Variants in RGL1 observed in about 807,000 individuals in gnomAD.
RGL1 encodes ral guanine nucleotide dissociation stimulator-like 1.
A neutral mutation model predicts 95.2 loss-of-function variants in RGL1; 24 were observed. That is an observed-to-expected ratio of 0.25 (90% CI 0.18 to 0.35). The LOEUF is 0.35. Ranked by LOEUF, RGL1 falls within the 10% of genes least tolerant of loss-of-function variation. The pLI is 1.00. For synonymous variants in RGL1, 329 were observed against 344.9 expected (o/e 0.95, Z 0.51); for missense variants, 715 against 936.3 (o/e 0.76, Z 3.08).
intron 4 of RGL1, among the ~76,000 whole-genome samples, chr1:183,877,285 A>G (rs952293923): frequency 6.6e-6 from 1 of 151,716 alleles, no homozygotes; most frequent in Non-Finnish European, 1.5e-5. Context: ...ACATCCCCCC[A>G]CTCTGTTCTG....
chr1:183,763,924 GC>G (rs2102312890), intron 2 of RGL1, among the ~76,000 whole-genome samples: 1 of 152,290 alleles, frequency 6.6e-6, no homozygotes, highest in African/African-American at 2.4e-5. Flanking sequence ...ATTCTGGAAA[GC>G]CCCACACTCC....
At chr1:183,645,755 A>G (rs1650247870) in intron 1 of RGL1, among the ~76,000 whole-genome samples, 1 of 152,250 alleles carries the variant, frequency 6.6e-6, no homozygotes, top group South Asian at 2.1e-4. Flanking sequence ...GAACTAGCCC[A>G]CATTTCTTGT....
At chr1:183,818,237 G>A (rs1461801010) in intron 2 of RGL1, among the ~76,000 whole-genome samples, 1 of 152,110 alleles carries the variant, frequency 6.6e-6, no homozygotes, top group East Asian at 1.9e-4. Flanking sequence ...GTTTTAAAAG[G>A]TTTCCTTCCA....
intron 2 of RGL1, among the ~76,000 whole-genome samples, chr1:183,764,641 C>T (rs1658871874): frequency 6.6e-6 from 1 of 152,146 alleles, no homozygotes; most frequent in Non-Finnish European, 1.5e-5. Flanking sequence ...ATCAGTTCCT[C>T]AATCATGGAG....
chr1:183,747,061 G>A (rs1657685606), intron 2 of RGL1, among the ~76,000 whole-genome samples: 1 of 152,084 alleles, frequency 6.6e-6, no homozygotes, highest in Non-Finnish European at 1.5e-5. Context: ...ACCATTGATG[G>A]GCATTTGGGT....
At chr1:183,905,071 T>C (rs919944612) in intron 13 of RGL1, 100 bp downstream of exon 13, 8 of 1,420,016 alleles carry the variant, frequency 5.6e-6, no homozygotes, top group Non-Finnish European at 6.6e-6. Flanking sequence ...AACTATTTAG[T>C]GAGCAGCTGC....
intron 1 of RGL1, chr1:183,648,129 C>G (rs1196091183): frequency 1.2e-6 from 2 of 1,614,238 alleles, no homozygotes; most frequent in Non-Finnish European, 1.7e-6. Context: ...AGCCAGTGCT[C>G]TCCCAGTTAA....
At chr1:183,844,527 A>G (rs1664289101) in intron 2 of RGL1, among the ~76,000 whole-genome samples, 2 of 152,324 alleles carry the variant, frequency 1.3e-5, no homozygotes, top group South Asian at 4.1e-4. Flanking sequence ...AAGAGATATC[A>G]TTGACTTTGT....
At chr1:183,793,385 C>G (rs1266522426) in intron 2 of RGL1, among the ~76,000 whole-genome samples, 1 of 152,098 alleles carries the variant, frequency 6.6e-6, no homozygotes, top group African/African-American at 2.4e-5. Flanking sequence ...GCTAAGACTT[C>G]AAAAGCACAG....
At chr1:183,667,844 C>G (rs1001848957) in intron 1 of RGL1, among the ~76,000 whole-genome samples, 2 of 152,068 alleles carry the variant, frequency 1.3e-5, no homozygotes, top group Non-Finnish European at 2.9e-5. Context: ...CAGTGATTGT[C>G]TTAGAGTTTG....
intron 1 of RGL1, among the ~76,000 whole-genome samples, chr1:183,690,909 A>G (rs1318931566): frequency 1.3e-5 from 2 of 152,216 alleles, no homozygotes; most frequent in African/African-American, 4.8e-5. Flanking sequence ...TCATGTTAAG[A>G]TCACTTCTTG....
At chr1:183,801,143 T>TTGTGTGTGTGTG (rs139990784), upstream of RGL1, among the ~76,000 whole-genome samples, 298 of 129,992 alleles carry the variant, frequency 2.3e-3, 2 homozygotes, top group African/African-American at 7.2e-3. Flanking sequence ...ACTTGTTATT[T>TTGTGTGTGTGTG]TGTGTGTGTG....
chr1:183,731,525 T>C lies in RGL1; in HGVS notation c.-32-10601T>C, dbSNP rs576601937. On this transcript the variant is annotated intron_variant, in intron 1 of 18. Transcript: ENST00000304685. The stretch of plus-strand genomic sequence containing the variant: ...CAATTTCAGATAACCCTCTTGGCCT[T>C]TCCCCTGCTACCTTATTACAGAGAG... Among the ~76,000 whole-genome samples the C allele has an allele frequency of 4.6e-5, 7 of 152,286 alleles. No homozygotes were observed. The South Asian group carries it at 1.0e-3, about 23-fold the overall frequency.
intron 1 of RGL1, among the ~76,000 whole-genome samples, chr1:183,657,273 A>G (rs146737111): frequency 0.011 from 1,731 of 152,248 alleles, 30 homozygotes; most frequent in African/African-American, 0.04. Flanking sequence ...TTTTCAGTGT[A>G]TAAATCTTTC....
At chr1:183,833,561 A>G (rs1183281738) in intron 2 of RGL1, among the ~76,000 whole-genome samples, 1 of 152,218 alleles carries the variant, frequency 6.6e-6, no homozygotes, top group Non-Finnish European at 1.5e-5. Context: ...ACAGGCAAAT[A>G]GATCCATAAA....
chr1:183,651,628 C>T (rs1424891913), intron 1 of RGL1, among the ~76,000 whole-genome samples: 1 of 152,196 alleles, frequency 6.6e-6, no homozygotes, highest in Non-Finnish European at 1.5e-5. Flanking sequence ...GCACCACATA[C>T]CCACCAGATT....
chr1:183,721,554 C>T (rs936110715), intron 1 of RGL1, among the ~76,000 whole-genome samples: 2 of 152,240 alleles, frequency 1.3e-5, no homozygotes, highest in African/African-American at 2.4e-5. Context: ...CTTTCCCCTT[C>T]TGTCCTCTGC....
intron 11 of RGL1, among the ~76,000 whole-genome samples, chr1:183,901,144 C>T (rs1023827468): frequency 2.6e-5 from 4 of 151,912 alleles, no homozygotes; most frequent in Admixed American, 6.6e-5. Flanking sequence ...ACTAAAAACA[C>T]AAAAATCAGC....
chr1:183,830,683 A>AG (rs1039224690), intron 2 of RGL1, among the ~76,000 whole-genome samples: 5 of 7,208 alleles, frequency 6.9e-4, no homozygotes, highest in South Asian at 0.014. Flanking sequence ...AGAATTCTGG[A>AG]GAAAAAAAAA....
Sources: gnomAD v4.1 joint callset for allele counts (sites outside exome capture counted in the v4.1 genomes callset) on GRCh38, gnomAD v4.1.1 for gene constraint, MANE v1.5 for transcripts, NCBI Gene and HGNC (gene_info 2026-07-23, HGNC 2026-07-21) for gene names.